Variants in RAB38 observed in about 807,000 individuals in gnomAD.
RAB38 encodes ras-related protein Rab-38.
RAB38 carries 15 observed loss-of-function variants against 18.4 expected under a neutral mutation model. The ratio of observed to expected loss-of-function variants is 0.82; its 90% CI spans 0.55 to 1.26. The LOEUF (loss-of-function observed/expected upper bound fraction) is 1.26. RAB38 is among the 50% of genes most tolerant of loss of function. RAB38 has a pLI of 0.00. For synonymous variants in RAB38, 101 were observed against 104.4 expected, an observed-to-expected ratio of 0.97 and a Z score of 0.20; for missense variants, 294 against 267.4, an observed-to-expected ratio of 1.10 and a Z score of -0.69.
At chr11:87,893,769 A>G in the RAB38 span, among the ~76,000 whole-genome samples, 1 of 151,770 alleles carries the variant, frequency 6.6e-6, no homozygotes, top group South Asian at 2.1e-4. Context: ...CCTGAGTGGA[A>G]TCATACAGTA....
the RAB38 span, among the ~76,000 whole-genome samples, chr11:88,066,087 GA>G: frequency 2.3e-3 from 349 of 152,328 alleles, 2 homozygotes; most frequent in African/African-American, 8.0e-3. Context: ...TGACGTATTT[GA>G]CTTGAAATTT....
intron 1 of RAB38, among the ~76,000 whole-genome samples, chr11:88,152,900 T>C (rs1055065387): frequency 2.0e-5 from 3 of 152,262 alleles, no homozygotes; most frequent in Non-Finnish European, 4.4e-5. Context: ...ATTTCTAAAC[T>C]AAGTTTTGTC....
At chr11:88,052,917 TATA>T in the RAB38 span, among the ~76,000 whole-genome samples, 1 of 14,036 alleles carries the variant, frequency 7.1e-5, no homozygotes, top group South Asian at 3.1e-3. Context: ...TATATATATA[TATA>T]TATATATATA....
the RAB38 span, among the ~76,000 whole-genome samples, chr11:88,058,003 T>A: frequency 2.0e-5 from 3 of 152,302 alleles, no homozygotes; most frequent in East Asian, 3.9e-4. Context: ...TTCCTATAAA[T>A]CTGCAGGTGA....
At chr11:87,851,303 C>A in the RAB38 span, among the ~76,000 whole-genome samples, 2 of 152,188 alleles carry the variant, frequency 1.3e-5, no homozygotes, top group African/African-American at 4.8e-5. Flanking sequence ...TCAGTATCTT[C>A]AGCATGTGAC....
At chr11:87,886,350 G>GGA in the RAB38 span, among the ~76,000 whole-genome samples, 3 of 151,884 alleles carry the variant, frequency 2.0e-5, no homozygotes, top group South Asian at 2.1e-4. Flanking sequence ...CACATGTGCA[G>GGA]GAGAGAGAGA....
the RAB38 span, among the ~76,000 whole-genome samples, chr11:88,039,108 A>C: frequency 6.6e-6 from 1 of 152,336 alleles, no homozygotes; most frequent in South Asian, 2.1e-4. Context: ...AAAGAGGAGT[A>C]GAAATTTGTT....
chr11:87,903,804 C>A, the RAB38 span, among the ~76,000 whole-genome samples: 2 of 150,738 alleles, frequency 1.3e-5, no homozygotes, highest in Non-Finnish European at 3.0e-5. Flanking sequence ...TTCCATTTCC[C>A]TTATTAAGTT....
the RAB38 span, among the ~76,000 whole-genome samples, chr11:88,104,233 G>A: frequency 2.0e-5 from 3 of 151,976 alleles, no homozygotes; most frequent in Non-Finnish European, 1.5e-5. Flanking sequence ...ATTCTTTAGC[G>A]TTCTCTTTAA....
chr11:88,093,504 T>C, the RAB38 span, among the ~76,000 whole-genome samples: 1 of 151,808 alleles, frequency 6.6e-6, no homozygotes, highest in Non-Finnish European at 1.5e-5. Context: ...AAAATTAATA[T>C]CTTCTCCAAT....
the RAB38 span, among the ~76,000 whole-genome samples, chr11:88,032,460 A>G: frequency 1.3e-5 from 2 of 152,220 alleles, no homozygotes; most frequent in East Asian, 3.9e-4. Context: ...AAAATGGGAG[A>G]AAATTTTTGC....
chr11:87,939,414 T>C, the RAB38 span, among the ~76,000 whole-genome samples: 2 of 119,984 alleles, frequency 1.7e-5, no homozygotes, highest in African/African-American at 6.4e-5. Flanking sequence ...ACACACACAC[T>C]CCTTGACATC....
At chr11:88,038,408 C>A in the RAB38 span, among the ~76,000 whole-genome samples, 2 of 152,124 alleles carry the variant, frequency 1.3e-5, no homozygotes, top group Admixed American at 1.3e-4. Flanking sequence ...ATATTTTTCT[C>A]CATAATGTTT....
chr11:88,017,388 A>G, the RAB38 span, among the ~76,000 whole-genome samples: 2 of 150,164 alleles, frequency 1.3e-5, no homozygotes, highest in African/African-American at 2.4e-5. Context: ...CACAAACGCA[A>G]AGAGAGAGAG....
At chr11:88,142,830 T>C (rs1942933210) in intron 2 of RAB38, among the ~76,000 whole-genome samples, 1 of 152,170 alleles carries the variant, frequency 6.6e-6, no homozygotes, top group Admixed American at 6.5e-5. Context: ...ACGAAAAGTA[T>C]ATGTGAGAAA....
intron 1 of RAB38, among the ~76,000 whole-genome samples, chr11:88,168,549 C>T (rs1943270647): frequency 6.6e-6 from 1 of 152,030 alleles, no homozygotes; most frequent in African/African-American, 2.4e-5. Flanking sequence ...TCTAAAAGTC[C>T]GTAAGAGCAA....
chr11:88,052,745 A>G, the RAB38 span, among the ~76,000 whole-genome samples: 1 of 151,352 alleles, frequency 6.6e-6, no homozygotes, highest in African/African-American at 2.4e-5. Context: ...GACCTAGAAG[A>G]AATTGAGGCC....
the RAB38 span, among the ~76,000 whole-genome samples, chr11:87,827,469 C>T: frequency 6.6e-6 from 1 of 151,720 alleles, no homozygotes; most frequent in Non-Finnish European, 1.5e-5. Context: ...GTTATTTCCC[C>T]CTAAGGAAAT....
At chr11:88,053,850 ATGTT>A in the RAB38 span, among the ~76,000 whole-genome samples, 3 of 151,944 alleles carry the variant, frequency 2.0e-5, no homozygotes, top group Admixed American at 6.6e-5. Flanking sequence ...GGAAAAGAAA[ATGTT>A]TGAATGAATA....
Sources: gnomAD v4.1 joint callset for allele counts (sites outside exome capture counted in the v4.1 genomes callset) on GRCh38, gnomAD v4.1.1 for gene constraint, MANE v1.5 for transcripts, NCBI Gene and HGNC (gene_info 2026-07-23, HGNC 2026-07-21) for gene names.